PTPRQ: variants seen among roughly 807,000 people sequenced by gnomAD.
PTPRQ encodes protein tyrosine phosphatase receptor type Q.
PTPRQ carries 199 observed loss-of-function variants against 246.0 expected under a neutral mutation model. The observed-to-expected ratio is 0.81, with a 90% CI of 0.72 to 0.91. The LOEUF is 0.91. Ranked by LOEUF, PTPRQ falls within the 40% of genes least tolerant of loss-of-function variation. The pLI, the probability that PTPRQ is intolerant of heterozygous loss-of-function variation, is 0.00. For missense variants in PTPRQ, 2,624 were observed against 2,528.4 expected (o/e 1.04, Z -0.81); for synonymous variants, 869 against 853.2 (o/e 1.02, Z -0.32).
rs12301344 is a variant in PTPRQ at position 80,471,966 on chromosome 12, A to G, written c.1040-139A>G. On this transcript the variant is annotated intron_variant, in intron 7 of 44. Transcript: ENST00000644991. ...CTACTAAGCCACATGTTTAAAATAT[A>G]TGCAGTTTTGATATTATAATAACAA... 8,056 of 969,462 alleles carry G rather than the reference A, an allele frequency of 8.3e-3. 463 individuals are homozygous for G. In the African/African-American group the frequency reaches 0.12, roughly 14 times the overall value. The allele number at this position is 969,462 out of a possible 1,614,324, so 60.1% of individuals were successfully genotyped here.
At chr12:80,507,931 T>G (rs1207790229) in intron 16 of PTPRQ, among the ~76,000 whole-genome samples, 1 of 152,018 alleles carries the variant, frequency 6.6e-6, no homozygotes, top group Non-Finnish European at 1.5e-5. Context: ...ACCAATGCCT[T>G]TTTGAAAATA....
chr12:80,610,493 A>G lies in PTPRQ; in HGVS notation c.4786A>G (p.Thr1596Ala). The change falls in exon 28 of 45, where the codon ACC (threonine) becomes GCC (alanine). Residue 1596 changes from threonine to alanine, a missense_variant. Coordinates refer to ENST00000644991, the MANE Select transcript of PTPRQ (RefSeq NM_001145026.2). ...CATCAAGTCAAATGAAGAAAATAAA[A>G]CCATAGAAATTAAAGATTTAGAAAT... is the stretch of plus-strand genomic sequence containing the variant. ...SFIKSNEENK[T>A]IEIKDLEIFT... The G allele has an allele frequency of 6.5e-7, 1 of 1,530,350 alleles. No individual in the cohort carries two copies. The highest frequency in any genetic ancestry group is 8.8e-7 in the Non-Finnish European group (1 of 1,133,732). 94.8% of individuals were successfully genotyped at this position (1,530,350 alleles called of 1,614,324 possible).
At position 80,589,136 on chromosome 12, in the gene PTPRQ, A is replaced by C. The variant is rs528511548; in HGVS notation, c.4609+684A>C. Among the ~76,000 whole-genome samples the C allele has an allele frequency of 1.4e-3, 219 of 152,214 alleles. 1 individual carries two copies. The highest frequency in any genetic ancestry group is 2.8e-3 in the Non-Finnish European group (191 of 68,034). ...CAACTTAGGTTTTATGTTTATAGCT[A>C]ACTGGTTGCCCTGCTTGCTTGGAGA... On this transcript the variant is annotated intron_variant, in intron 26 of 44. Coordinates refer to ENST00000644991, the MANE Select transcript of PTPRQ (RefSeq NM_001145026.2).
At chr12:80,544,705 T>C (rs550679910) in intron 23 of PTPRQ, among the ~76,000 whole-genome samples, 2 of 152,232 alleles carry the variant, frequency 1.3e-5, no homozygotes, top group East Asian at 3.9e-4. Context: ...TCTATTTCGC[T>C]TTCTCTCCTA....
At chr12:80,659,301 CT>C (rs1565846396) in intron 39 of PTPRQ, among the ~76,000 whole-genome samples, 1 of 151,896 alleles carries the variant, frequency 6.6e-6, no homozygotes, top group Non-Finnish European at 1.5e-5. Context: ...AAATCTTATG[CT>C]TACAATTTCC....
intron 3 of PTPRQ, among the ~76,000 whole-genome samples, chr12:80,453,074 C>T (rs919458018): frequency 6.6e-6 from 1 of 152,016 alleles, no homozygotes; most frequent in Non-Finnish European, 1.5e-5. Flanking sequence ...TCTTTTTATT[C>T]TTTTTTCTCT....
intron 17 of PTPRQ, among the ~76,000 whole-genome samples, chr12:80,514,402 A>ACACACACACTCTCT (rs552667526): frequency 0.031 from 3,495 of 112,978 alleles, 76 homozygotes; most frequent in Non-Finnish European, 0.036. Flanking sequence ...ACACACACAC[A>ACACACACACTCTCT]CTCTCTCTCT....
intron 17 of PTPRQ, among the ~76,000 whole-genome samples, chr12:80,519,987 A>T (rs1895420978): frequency 6.6e-6 from 1 of 151,616 alleles, no homozygotes; most frequent in East Asian, 1.9e-4. Flanking sequence ...GAAAAATAAA[A>T]CCTATGGCAG....
chr12:80,529,964 T>C (rs1009043822), intron 17 of PTPRQ, among the ~76,000 whole-genome samples: 4 of 152,190 alleles, frequency 2.6e-5, no homozygotes, highest in African/African-American at 9.6e-5. Context: ...ATTTGGCCAG[T>C]GTTGAAAAGT....
chr12:80,595,846 T>A (rs1213855391), intron 26 of PTPRQ, among the ~76,000 whole-genome samples: 2 of 151,888 alleles, frequency 1.3e-5, no homozygotes, highest in Admixed American at 6.6e-5. Flanking sequence ...ATATTGTTGA[T>A]CATTTTGTGA....
intron 25 of PTPRQ, 35 bp from the exon 26 acceptor site, chr12:80,588,094 T>A (rs1433667249): frequency 1.3e-6 from 2 of 1,482,814 alleles, no homozygotes; most frequent in South Asian, 2.8e-5. Context: ...GTTTGGTAAT[T>A]GTAACTGCTT....
In PTPRQ at chr12:80,472,095, CT is replaced by C; in HGVS notation, c.1040-5del. ...AAAAATAATCCATAGCTATCTTCCA[CT>C]TTTTGCAGGTCGCATTTTGGATAAC... On this transcript the variant is annotated splice_polypyrimidine_tract_variant and intron_variant, in intron 7 of 44. Coordinates refer to ENST00000644991, the MANE Select transcript of PTPRQ (RefSeq NM_001145026.2). The C allele has an allele frequency of 6.4e-7, 1 of 1,550,866 alleles. No individual in the cohort carries two copies. The highest frequency in any genetic ancestry group is 8.7e-7 in the Non-Finnish European group (1 of 1,146,722).
intron 6 of PTPRQ, chr12:80,465,632 C>A (rs1457658226): frequency 6.6e-6 from 1 of 152,218 alleles, no homozygotes. Flanking sequence ...TGGAATCCAG[C>A]AGCACACCAA....
At chr12:80,471,485 TTTTTTTA>T (rs1176988198) in intron 7 of PTPRQ, among the ~76,000 whole-genome samples, 792 of 41,810 alleles carry the variant, frequency 0.019, 15 homozygotes, top group Non-Finnish European at 0.031. Context: ...TTTTTTTTTT[TTTTTTTA>T]TTTGAGACAG....
intron 17 of PTPRQ, among the ~76,000 whole-genome samples, chr12:80,522,102 G>T (rs1895514365): frequency 6.6e-6 from 1 of 152,040 alleles, no homozygotes; most frequent in South Asian, 2.1e-4. Flanking sequence ...GGATTCCTAG[G>T]TATTTTATTC....
chr12:80,448,918 T>A (rs1264538442), intron 3 of PTPRQ, among the ~76,000 whole-genome samples: 3 of 147,480 alleles, frequency 2.0e-5, no homozygotes, highest in Non-Finnish European at 3.0e-5. Flanking sequence ...TCAAATGGTA[T>A]TTCTAGTTCT....
At chr12:80,497,566 G>A (rs1216846557) in intron 14 of PTPRQ, among the ~76,000 whole-genome samples, 1 of 152,014 alleles carries the variant, frequency 6.6e-6, no homozygotes, top group African/African-American at 2.4e-5. Flanking sequence ...GTTGCTGGAT[G>A]GGTTGGGAGA....
intron 19 of PTPRQ, among the ~76,000 whole-genome samples, chr12:80,536,278 A>G (rs1390228708): frequency 6.6e-6 from 1 of 152,194 alleles, no homozygotes; most frequent in African/African-American, 2.4e-5. Flanking sequence ...GAGTTACCTA[A>G]TCCCATTTGT....
At chr12:80,600,463 C>T (rs1003749208) in intron 26 of PTPRQ, among the ~76,000 whole-genome samples, 3 of 151,564 alleles carry the variant, frequency 2.0e-5, no homozygotes, top group Admixed American at 6.6e-5. Context: ...AAATGAGACC[C>T]GAAGAAGCCA....
Sources: gnomAD v4.1 joint callset for allele counts (sites outside exome capture counted in the v4.1 genomes callset) on GRCh38, gnomAD v4.1.1 for gene constraint, MANE v1.5 for transcripts, NCBI Gene and HGNC (gene_info 2026-07-23, HGNC 2026-07-21) for gene names.